The following CORO2B variants were observed in gnomAD, a reference collection of about 807,000 sequenced individuals.
The protein encoded by CORO2B is coronin-2B.
Under a neutral mutation model 58.8 loss-of-function variants are expected in CORO2B, and 26 were observed. The ratio of observed to expected loss-of-function variants is 0.44; its 90% CI spans 0.32 to 0.61. CORO2B has a LOEUF of 0.61. Ranked by LOEUF, CORO2B falls within the 20% of genes least tolerant of loss-of-function variation. The pLI is 0.04. For synonymous variants in CORO2B, 242 were observed against 253.8 expected, an observed-to-expected ratio of 0.95 and a Z score of 0.44; for missense variants, 460 against 645.1, an observed-to-expected ratio of 0.71 and a Z score of 3.11.
chr15:68,537,244 G>C, the CORO2B span, among the ~76,000 whole-genome samples: 1 of 152,236 alleles, frequency 6.6e-6, no homozygotes, highest in African/African-American at 2.4e-5. Context: ...AAGAGGAGAA[G>C]CCAAGAACTA....
the CORO2B span, among the ~76,000 whole-genome samples, chr15:68,533,445 T>G: frequency 6.6e-5 from 10 of 152,280 alleles, no homozygotes; most frequent in African/African-American, 2.4e-4. Context: ...AATTGTTAGC[T>G]GGACACATAA....
intron 11 of CORO2B, among the ~76,000 whole-genome samples, chr15:68,721,407 G>A (rs1893156632): frequency 6.6e-6 from 1 of 152,104 alleles, no homozygotes; most frequent in African/African-American, 2.4e-5. Flanking sequence ...TAGAGGCGAA[G>A]TAAGAATGGT....
rs1892898282 is a variant in CORO2B at position 68,710,833 on chromosome 15, G to T, written c.435G>T (p.Trp145Cys). Residue 145 changes from tryptophan to cysteine, a missense_variant, in exon 4 of 12, where the codon TGG (tryptophan) becomes TGT (cysteine). Physicochemically the swap from Trp to Cys is radical, Grantham distance 215. Coordinates refer to ENST00000261861, the MANE Select transcript of CORO2B (RefSeq NM_006091.5). The surrounding 1 kb of genome is among the most constrained non-coding windows in gnomAD (Gnocchi z 4.1). ...GCCGGCGTGTGGGGCTGGTCGAGTG[G>T]CACCCCACCACCAACAACATCCTGT... is the stretch of plus-strand genomic sequence containing the variant. ...GHSRRVGLVEWHPTTNNILFS... is the reference protein window; with the variant it reads ...GHSRRVGLVECHPTTNNILFS... 1 of 1,610,998 alleles carries T rather than the reference G, an allele frequency of 6.2e-7. No individual in the cohort carries two copies. Among genetic ancestry groups the T allele is most frequent in the Non-Finnish European group, 8.5e-7 (1 of 1,178,878 alleles).
chr15:68,539,535 C>T, the CORO2B span, among the ~76,000 whole-genome samples: 3 of 151,930 alleles, frequency 2.0e-5, no homozygotes, highest in Non-Finnish European at 2.9e-5. Context: ...ATTAGCCGGT[C>T]GTGGCAGCGT....
chr15:68,534,969 TG>T, the CORO2B span, among the ~76,000 whole-genome samples: 46 of 152,220 alleles, frequency 3.0e-4, 1 homozygote, highest in African/African-American at 1.1e-3. Context: ...GAGAACAGTA[TG>T]GGGGAAACTG....
chr15:68,640,218 A>G (rs1335402147), intron 1 of CORO2B, among the ~76,000 whole-genome samples: 3 of 152,144 alleles, frequency 2.0e-5, no homozygotes, highest in African/African-American at 7.2e-5. Flanking sequence ...TTCCAGAACA[A>G]ACCCTTGGCA....
rs911459883 is a variant in CORO2B at position 68,710,286 on chromosome 15, G to A, written c.334-446G>A. Reference sequence around the variant, plus strand: ...TGCCCAGGGGTCCATCCTGGGTGGGGGACACAGTGGGGGATAAGGCCCTGC... The same window carrying A: ...TGCCCAGGGGTCCATCCTGGGTGGGAGACACAGTGGGGGATAAGGCCCTGC... On this transcript the variant is annotated intron_variant, in intron 3 of 11. Transcript: ENST00000261861. The surrounding 1 kb of genome is among the most constrained non-coding windows in gnomAD (Gnocchi z 4.1). Among the ~76,000 whole-genome samples, 1 of 152,162 alleles carries A rather than the reference G, an allele frequency of 6.6e-6. No individual in the cohort carries two copies. The highest frequency in any genetic ancestry group is 2.4e-5 in the African/African-American group (1 of 41,436).
the CORO2B span, among the ~76,000 whole-genome samples, chr15:68,527,475 C>G: frequency 6.6e-6 from 1 of 152,034 alleles, no homozygotes; most frequent in Non-Finnish European, 1.5e-5. Context: ...AATCAATTGA[C>G]CATGTATCTG....
At position 68,647,975 on chromosome 15, in the gene CORO2B, C is replaced by T. The variant is rs1169241082; in HGVS notation, c.216+2615C>T. ...CCCAGGAATTGGAGGCTGCAGTGAG[C>T]TATGATCACTCCCCTGCACTCCACC... On this transcript the variant is annotated intron_variant, in intron 2 of 11. Coordinates refer to ENST00000261861, the MANE Select transcript of CORO2B (RefSeq NM_006091.5). Among the ~76,000 whole-genome samples the T allele has an allele frequency of 6.5e-5, 9 of 139,510 alleles. No homozygotes were observed. The South Asian group carries it at 1.9e-3, about 29-fold the overall frequency. 91.5% of individuals were successfully genotyped at this position (139,510 alleles called of 152,430 possible).
chr15:68,660,757 G>A (rs1270416859), intron 2 of CORO2B, among the ~76,000 whole-genome samples: 1 of 152,116 alleles, frequency 6.6e-6, no homozygotes, highest in Non-Finnish European at 1.5e-5. Flanking sequence ...TGGCTCTGTG[G>A]TAAATCCGGT....
chr15:68,720,073 C>T (rs749190683), intron 11 of CORO2B, among the ~76,000 whole-genome samples: 2 of 152,196 alleles, frequency 1.3e-5, no homozygotes, highest in Non-Finnish European at 2.9e-5. Context: ...CGTTCCAGCC[C>T]ACACCCCCAT....
intron 1 of CORO2B, among the ~76,000 whole-genome samples, chr15:68,581,201 C>T (rs779890505): frequency 2.9e-4 from 44 of 152,152 alleles, no homozygotes; most frequent in Non-Finnish European, 5.6e-4. Context: ...AACTATTCAA[C>T]ACTCCTCCAC....
chr15:68,616,235 A>G (rs1410982539), intron 1 of CORO2B, among the ~76,000 whole-genome samples: 2 of 152,214 alleles, frequency 1.3e-5, no homozygotes, highest in African/African-American at 4.8e-5. Flanking sequence ...CCTTCTCATA[A>G]TAATACCCCT....
intron 2 of CORO2B, among the ~76,000 whole-genome samples, chr15:68,652,004 T>C (rs1255061516): frequency 6.6e-6 from 1 of 152,248 alleles, no homozygotes; most frequent in African/African-American, 2.4e-5. Context: ...TCTATGTTCA[T>C]TGATCCTCTC....
chr15:68,674,094 G>C (rs773171347), intron 2 of CORO2B, among the ~76,000 whole-genome samples: 5 of 152,296 alleles, frequency 3.3e-5, no homozygotes, highest in African/African-American at 1.2e-4. Context: ...GAGAGGCTGC[G>C]TGTGTGTCTC....
intron 2 of CORO2B, among the ~76,000 whole-genome samples, chr15:68,689,899 G>A (rs34829893): frequency 0.22 from 33,813 of 152,180 alleles, 3,934 homozygotes; most frequent in Middle Eastern, 0.25. Context: ...GTTGGCTTGT[G>A]TTGGCTCGTG....
rs531630578 is a variant in CORO2B at position 68,653,647 on chromosome 15, G to C, written c.216+8287G>C. Among the ~76,000 whole-genome samples the C allele has an allele frequency of 9.9e-5, 15 of 152,236 alleles. No homozygotes were observed. The South Asian group carries it at 3.1e-3, about 32-fold the overall frequency. On this transcript the variant is annotated intron_variant, in intron 2 of 11. Transcript: ENST00000261861. ...AACTCTGGAGCTGAATCTAGAAGTT[G>C]GTGGATCATTTAGCTCCATAGCTCA... is the stretch of plus-strand genomic sequence containing the variant.
intron 1 of CORO2B, among the ~76,000 whole-genome samples, chr15:68,625,565 T>G (rs1323733660): frequency 6.6e-6 from 1 of 152,160 alleles, no homozygotes; most frequent in Non-Finnish European, 1.5e-5. Context: ...TTGAGCCTGC[T>G]TGTGCACTCC....
At chr15:68,703,461 ATCTTATACTG>A (rs1892708861) in intron 3 of CORO2B, among the ~76,000 whole-genome samples, 1 of 152,072 alleles carries the variant, frequency 6.6e-6, no homozygotes, top group Non-Finnish European at 1.5e-5. Context: ...CAGAAACCAT[ATCTTATACTG>A]TCCTGTTCTT....
Sources: allele counts gnomAD v4.1 joint callset (sites outside exome capture counted in the v4.1 genomes callset), GRCh38; gene constraint gnomAD v4.1.1; non-coding constraint Gnocchi (gnomAD v3.1); transcripts MANE v1.5; gene names NCBI Gene and HGNC (gene_info 2026-07-23, HGNC 2026-07-21).